HOMER2: variants seen among roughly 807,000 people sequenced by gnomAD.
HOMER2 encodes the protein homer protein homolog 2.
HOMER2 carries 27 observed loss-of-function variants against 47.0 expected under a neutral mutation model. The observed-to-expected ratio is 0.57, with a 90% confidence interval of 0.42 to 0.79. The LOEUF is 0.79. Among genes scored for constraint, HOMER2 ranks in the 30% least tolerant of loss-of-function variants. The pLI is 0.00. For synonymous variants in HOMER2, 161 were observed against 163.8 expected (o/e 0.98, Z 0.13); for missense variants, 443 against 435.0 (o/e 1.02, Z -0.16).
At chr15:82,942,344 G>T (rs925621127) in intron 1 of HOMER2, among the ~76,000 whole-genome samples, 1 of 152,190 alleles carries the variant, frequency 6.6e-6, no homozygotes, top group Non-Finnish European at 1.5e-5. Flanking sequence ...AAGAGCTGAC[G>T]AACTGATGAA....
chr15:82,839,656 A>C (rs2051156835), exon 2 of HOMER2: 1 of 152,244 alleles, frequency 6.6e-6, no homozygotes, highest in African/African-American at 2.4e-5. Flanking sequence ...AACATCAAAA[A>C]GAAACAAAGC....
At position 82,864,100 on chromosome 15, in the gene HOMER2, G is replaced by A. The variant is rs2051883022; in HGVS notation, c.387+67C>T. On this transcript the variant is annotated intron_variant, in intron 4 of 8. Transcript: ENST00000450735. ...CAAAATTCCCTATTTCTGGCCAGAA[G>A]TGACAAGGAACAAAGAGTCCCTATC... 1.6e-5 allele frequency: 16 copies of A among 989,302 alleles called. No homozygotes were observed. In the South Asian group the frequency reaches 2.0e-4, roughly 12 times the overall value. The allele number at this position is 989,302 out of a possible 1,614,324, so 61.3% of individuals were successfully genotyped here. A position where few individuals can be genotyped will look rare whatever the true frequency, so the allele number is the denominator to read the frequency against.
exon 2 of HOMER2, chr15:82,842,505 G>A (rs2051187301): frequency 6.8e-6 from 1 of 147,752 alleles, no homozygotes; most frequent in African/African-American, 2.5e-5. Flanking sequence ...GTAGAGATGG[G>A]GTTTCGCCAT....
At chr15:82,975,623 A>G (rs2030172435) in intron 1 of HOMER2, among the ~76,000 whole-genome samples, 1 of 152,232 alleles carries the variant, frequency 6.6e-6, no homozygotes, top group African/African-American at 2.4e-5. Context: ...AAAGACAAAC[A>G]TTGCATGTTC....
chr15:82,907,715 A>G (rs2083879950), intron 1 of HOMER2, among the ~76,000 whole-genome samples: 2 of 152,236 alleles, frequency 1.3e-5, no homozygotes, highest in Admixed American at 6.5e-5. Context: ...TTCAAGATAG[A>G]CCATATTCTG....
chr15:82,868,843 G>A (rs1051729152), intron 3 of HOMER2, among the ~76,000 whole-genome samples: 20 of 127,294 alleles, frequency 1.6e-4, no homozygotes, highest in African/African-American at 2.9e-4. Context: ...GAGCCACTGC[G>A]CTCAGCTATA....
rs969074047 is a variant in HOMER2 at position 82,952,427 on chromosome 15, C to CG, written c.5+103dup. 9 of 825,568 alleles carry CG rather than the reference C, an allele frequency of 1.1e-5. No individual in the cohort carries two copies. In the Admixed American group the frequency reaches 1.4e-4, roughly 13 times the overall value. The allele number at this position is 825,568 out of a possible 1,614,324, so 51.1% of individuals were successfully genotyped here. A position where few individuals can be genotyped will look rare whatever the true frequency, so the allele number is the denominator to read the frequency against. On this transcript the variant is annotated intron_variant, in intron 1 of 8. Transcript: ENST00000450735. ...GTGCGCTCGCTCCGGCTTGGGGAGG[C>CG]GGGGGCCGGCCCGCCGGGAGGCTCC...
exon 2 of HOMER2, chr15:82,839,128 A>C (rs2051153198): frequency 6.6e-6 from 1 of 152,180 alleles, no homozygotes; most frequent in Admixed American, 6.5e-5. Context: ...ATCTGGTGGA[A>C]TGAGTCTCTG....
intron 2 of HOMER2, among the ~76,000 whole-genome samples, chr15:82,889,017 A>G (rs1380652856): frequency 6.6e-6 from 1 of 152,168 alleles, no homozygotes; most frequent in Non-Finnish European, 1.5e-5. Flanking sequence ...CTTTGAGAGG[A>G]ACGAATGGCC....
At chr15:82,877,018 T>G (rs943415459) in intron 2 of HOMER2, among the ~76,000 whole-genome samples, 1 of 152,222 alleles carries the variant, frequency 6.6e-6, no homozygotes, top group East Asian at 1.9e-4. Context: ...GTAAAATAAT[T>G]TTTAGAATAC....
chr15:82,928,066 C>CAA, intron 1 of HOMER2, among the ~76,000 whole-genome samples: 1 of 152,178 alleles, frequency 6.6e-6, no homozygotes, highest in South Asian at 2.1e-4. Flanking sequence ...GCGGGCCCGG[C>CAA]CCAACTCTGT....
chr15:82,849,941 G>A (rs2051337630), intron 8 of HOMER2, 38 bp from the exon 9 acceptor site: 1 of 1,591,870 alleles, frequency 6.3e-7, no homozygotes, highest in Non-Finnish European at 8.6e-7. Context: ...AGAAAACTGA[G>A]TGACGAGAGT....
At chr15:82,901,420 C>T (rs2053114033) in intron 1 of HOMER2, among the ~76,000 whole-genome samples, 1 of 152,158 alleles carries the variant, frequency 6.6e-6, no homozygotes. Flanking sequence ...GAAAATAAAA[C>T]TCACTAGCAA....
chr15:82,971,543 C>T (rs2029989963), intron 1 of HOMER2, among the ~76,000 whole-genome samples: 1 of 152,062 alleles, frequency 6.6e-6, no homozygotes, highest in Non-Finnish European at 1.5e-5. Context: ...GTAATTGTGT[C>T]ACTATCCAGC....
chr15:82,964,938 A>G (rs767973294), intron 1 of HOMER2, among the ~76,000 whole-genome samples: 10 of 152,246 alleles, frequency 6.6e-5, no homozygotes, highest in Non-Finnish European at 1.2e-4. Context: ...ACAAAGTGAA[A>G]TAAGTTTCTT....
chr15:82,899,236 CCCATCACTGG>C, intron 1 of HOMER2, among the ~76,000 whole-genome samples: 1 of 152,396 alleles, frequency 6.6e-6, no homozygotes, highest in South Asian at 2.1e-4. Flanking sequence ...AATGCATGTG[CCCATCACTGG>C]ACCCAATACA....
chr15:82,894,155 C>T (rs561003082), intron 1 of HOMER2, among the ~76,000 whole-genome samples: 1 of 152,280 alleles, frequency 6.6e-6, no homozygotes, highest in South Asian at 2.1e-4. Context: ...ATGCGATTCA[C>T]CAAATTTGCA....
intron 1 of HOMER2, among the ~76,000 whole-genome samples, chr15:82,940,598 CCTGGTGCCTGG>C (rs1222414585): frequency 2.0e-5 from 3 of 152,162 alleles, no homozygotes; most frequent in Non-Finnish European, 4.4e-5. Flanking sequence ...AAAAAATTAG[CCTGGTGCCTGG>C]CTGGTGCCTG....
intron 1 of HOMER2, among the ~76,000 whole-genome samples, chr15:82,895,817 C>T (rs1425249473): frequency 6.6e-6 from 1 of 152,260 alleles, no homozygotes; most frequent in Non-Finnish European, 1.5e-5. Flanking sequence ...GGTACACTTA[C>T]TAAAAATACA....
Sources: allele counts gnomAD v4.1 joint callset (sites outside exome capture counted in the v4.1 genomes callset), GRCh38; gene constraint gnomAD v4.1.1; transcripts MANE v1.5; gene names NCBI Gene and HGNC (gene_info 2026-07-23, HGNC 2026-07-21).